ME1: variants seen among roughly 807,000 people sequenced by gnomAD.
ME1 encodes malic enzyme 1, also known as NADP-dependent malic enzyme.
In ME1, 74 loss-of-function variants were observed where a neutral mutation model predicts 66.4. The observed-to-expected ratio is 1.11, with a 90% CI of 0.92 to 1.35. ME1 has a LOEUF of 1.35. Among genes scored for constraint, ME1 ranks in the 40% most tolerant of loss-of-function variants. The pLI is 0.00. For synonymous variants in ME1, 251 were observed against 235.6 expected (o/e 1.07, Z -0.60); for missense variants, 750 against 694.1 (o/e 1.08, Z -0.90).
intron 8 of ME1, 93 bp downstream of exon 8, chr6:83,239,446 T>C: frequency 1.2e-6 from 1 of 847,768 alleles, no homozygotes. Flanking sequence ...ATACTAAAAA[T>C]TTGAAAGAAT....
intron 5 of ME1, among the ~76,000 whole-genome samples, chr6:83,334,208 C>T (rs1206629995): frequency 4.0e-5 from 6 of 149,880 alleles, no homozygotes; most frequent in South Asian, 4.3e-4. Flanking sequence ...GGGTGACGGA[C>T]GCACCTGGAA....
intron 9 of ME1, among the ~76,000 whole-genome samples, chr6:83,235,153 T>C (rs1396937772): frequency 6.6e-6 from 1 of 152,216 alleles, no homozygotes; most frequent in Non-Finnish European, 1.5e-5. Context: ...ACACGTTGTC[T>C]TGATATCTTC....
At chr6:83,256,611 A>G (rs1187386992) in intron 6 of ME1, among the ~76,000 whole-genome samples, 1 of 152,196 alleles carries the variant, frequency 6.6e-6, no homozygotes, top group African/African-American at 2.4e-5. Context: ...AATTAGTTCA[A>G]CCATGGTGGA....
At chr6:83,269,396 A>C (rs1767047750) in intron 6 of ME1, among the ~76,000 whole-genome samples, 1 of 152,192 alleles carries the variant, frequency 6.6e-6, no homozygotes, top group Non-Finnish European at 1.5e-5. Context: ...TGCCTTTTCC[A>C]TCATAAAGTA....
intron 3 of ME1, among the ~76,000 whole-genome samples, chr6:83,388,264 T>C (rs750147565): frequency 6.6e-6 from 1 of 152,094 alleles, no homozygotes; most frequent in Non-Finnish European, 1.5e-5. Flanking sequence ...TTTTGTATTT[T>C]CTGTAAAGAC....
chr6:83,383,674 G>T (rs533191949), intron 3 of ME1, among the ~76,000 whole-genome samples: 2 of 151,804 alleles, frequency 1.3e-5, no homozygotes, highest in Admixed American at 1.3e-4. Context: ...TCATTTCATA[G>T]TGAAAATGTT....
chr6:83,392,756 G>A lies in ME1; in HGVS notation c.362+5611C>T, dbSNP rs1032369301. ...GAGAAGGCTGGGGCTCACTTGGAGG[G>A]AGGAGCCAAAACGGTCATCATCTCT... On this transcript the variant is annotated intron_variant, in intron 3 of 13. Transcript: ENST00000369705. 9 of 660,172 alleles carry A rather than the reference G, an allele frequency of 1.4e-5. No homozygotes were observed. The East Asian group carries it at 2.5e-4, about 18-fold the overall frequency. 40.9% of individuals were successfully genotyped at this position (660,172 alleles called of 1,614,324 possible).
intron 5 of ME1, among the ~76,000 whole-genome samples, chr6:83,321,984 C>G (rs924951379): frequency 6.6e-6 from 1 of 152,200 alleles, no homozygotes; most frequent in South Asian, 2.1e-4. Context: ...TGTTCTGCAG[C>G]CTCCGCTGGT....
chr6:83,216,115 T>C (rs114168970), intron 13 of ME1, among the ~76,000 whole-genome samples: 1,966 of 152,292 alleles, frequency 0.013, 48 homozygotes, highest in African/African-American at 0.045. Flanking sequence ...TGGAAGGTGG[T>C]TCAAGGTCTA....
At chr6:83,236,323 T>C (rs1378780004) in intron 9 of ME1, among the ~76,000 whole-genome samples, 2 of 152,216 alleles carry the variant, frequency 1.3e-5, no homozygotes, top group South Asian at 2.1e-4. Flanking sequence ...CTCCATGAGA[T>C]AGATTCTTTG....
intron 7 of ME1, among the ~76,000 whole-genome samples, chr6:83,251,957 A>G (rs530000074): frequency 6.6e-5 from 10 of 152,376 alleles, no homozygotes; most frequent in South Asian, 2.1e-4. Flanking sequence ...AATTGTAGAG[A>G]TATTATGCAG....
chr6:83,283,160 G>A (rs1406443570), intron 6 of ME1, among the ~76,000 whole-genome samples: 1 of 142,040 alleles, frequency 7.0e-6, no homozygotes, highest in Non-Finnish European at 1.5e-5. Context: ...CCCGGGAGGC[G>A]GAGCTTGCAG....
intron 3 of ME1, among the ~76,000 whole-genome samples, chr6:83,379,517 T>C (rs1321834173): frequency 6.6e-6 from 1 of 152,076 alleles, no homozygotes; most frequent in Admixed American, 6.6e-5. Flanking sequence ...CTATGAATGC[T>C]TGTAAACACC....
intron 7 of ME1, among the ~76,000 whole-genome samples, chr6:83,244,866 A>T (rs1790589103): frequency 6.6e-6 from 1 of 152,140 alleles, no homozygotes; most frequent in Non-Finnish European, 1.5e-5. Flanking sequence ...AGAAAAAATT[A>T]TCAAAGAGGT....
chr6:83,235,097 A>C (rs1790374345), intron 9 of ME1, among the ~76,000 whole-genome samples: 1 of 152,094 alleles, frequency 6.6e-6, no homozygotes, highest in Admixed American at 6.6e-5. Flanking sequence ...ATCCATGGAG[A>C]CCCTAGATAA....
rs1170650508 is a variant in ME1 at position 83,343,394 on chromosome 6, T to C, written c.600+2779A>G. On this transcript the variant is annotated intron_variant, in intron 5 of 13. Coordinates refer to ENST00000369705, the MANE Select transcript of ME1 (RefSeq NM_002395.6). ...CAGAAAGGTCTCTCAAAGACCTCTG[T>C]CACTCTCAAAGTGACAAAGGTATTC... Among the ~76,000 whole-genome samples the C allele has an allele frequency of 2.6e-5, 4 of 152,222 alleles. No homozygotes were observed. In the East Asian group the frequency reaches 7.7e-4, roughly 29 times the overall value.
intron 6 of ME1, among the ~76,000 whole-genome samples, chr6:83,273,967 A>G (rs1000540912): frequency 2.6e-4 from 39 of 152,132 alleles, no homozygotes; most frequent in African/African-American, 8.2e-4. Context: ...ATCTTGCTTG[A>G]TTCACTATGT....
At chr6:83,393,905 G>A (rs12663752) in intron 3 of ME1, among the ~76,000 whole-genome samples, 2 of 151,952 alleles carry the variant, frequency 1.3e-5, no homozygotes, top group Non-Finnish European at 2.9e-5. Flanking sequence ...AAATACTGTA[G>A]GTTTCTTGCC....
intron 3 of ME1, among the ~76,000 whole-genome samples, chr6:83,369,687 G>C (rs916237217): frequency 6.8e-6 from 1 of 147,988 alleles, no homozygotes. Context: ...AAGGAAGGAA[G>C]GAAGGAAGGA....
Sources: gnomAD v4.1 joint callset for allele counts (sites outside exome capture counted in the v4.1 genomes callset) on GRCh38, gnomAD v4.1.1 for gene constraint, MANE v1.5 for transcripts, NCBI Gene and HGNC (gene_info 2026-07-23, HGNC 2026-07-21) for gene names.